Variants in CACNA2D1 observed in about 807,000 individuals in gnomAD.
CACNA2D1 encodes the protein voltage-dependent calcium channel subunit alpha-2/delta-1.
A neutral mutation model predicts 171.5 loss-of-function variants in CACNA2D1; 53 were observed. The observed-to-expected ratio is 0.31, with a 90% confidence interval of 0.25 to 0.39. CACNA2D1 has a LOEUF of 0.39. Ranked by LOEUF, CACNA2D1 falls within the 10% of genes least tolerant of loss-of-function variation. CACNA2D1 has a pLI of 1.00. For missense variants in CACNA2D1, 903 were observed against 1,299.8 expected (o/e 0.69, Z 4.69); for synonymous variants, 442 against 443.1 (o/e 1.00, Z 0.03).
At chr7:82,342,972 A>G (rs1818844761) in intron 2 of CACNA2D1, 1 of 152,206 alleles carries the variant, frequency 6.6e-6, no homozygotes, top group Non-Finnish European at 1.5e-5. Flanking sequence ...ATTAGTACAT[A>G]GGAAGAATCT....
At chr7:82,145,349 ATATAT>A (rs1342598621) in intron 4 of CACNA2D1, among the ~76,000 whole-genome samples, 1 of 144,944 alleles carries the variant, frequency 6.9e-6, no homozygotes, top group Non-Finnish European at 1.5e-5. Context: ...TATATAATTT[ATATAT>A]TATATATTAC....
At chr7:82,070,233 C>T (rs963687165) in intron 7 of CACNA2D1, among the ~76,000 whole-genome samples, 1 of 152,128 alleles carries the variant, frequency 6.6e-6, no homozygotes, top group Non-Finnish European at 1.5e-5. Context: ...TATACCCACA[C>T]AAAGGTGCCA....
At chr7:82,160,010 A>G (rs1009550834) in intron 4 of CACNA2D1, among the ~76,000 whole-genome samples, 6 of 151,306 alleles carry the variant, frequency 4.0e-5, no homozygotes, top group African/African-American at 1.5e-4. Flanking sequence ...AATCAAAAAT[A>G]AGATGTACAA....
chr7:82,240,344 T>A (rs948085600), intron 3 of CACNA2D1, among the ~76,000 whole-genome samples: 1 of 152,214 alleles, frequency 6.6e-6, no homozygotes, highest in African/African-American at 2.4e-5. Flanking sequence ...TATCCCTTCA[T>A]CTTCTCCATT....
chr7:82,078,746 C>T (rs941568686), intron 7 of CACNA2D1, among the ~76,000 whole-genome samples: 1 of 151,966 alleles, frequency 6.6e-6, no homozygotes, highest in African/African-American at 2.4e-5. Context: ...TTCAATCATC[C>T]CAAGTTACTG....
intron 10 of CACNA2D1, among the ~76,000 whole-genome samples, chr7:82,043,087 T>C (rs1163083528): frequency 6.6e-6 from 1 of 152,174 alleles, no homozygotes; most frequent in Non-Finnish European, 1.5e-5. Flanking sequence ...TTAAGAAAAT[T>C]AGAAGCCAGT....
chr7:82,418,282 C>T (rs1055898594), intron 1 of CACNA2D1, among the ~76,000 whole-genome samples: 2 of 152,050 alleles, frequency 1.3e-5, no homozygotes, highest in Non-Finnish European at 2.9e-5. Flanking sequence ...TCCACCTGGT[C>T]CCCCCTACCA....
intron 5 of CACNA2D1, among the ~76,000 whole-genome samples, chr7:82,123,922 A>G (rs955821097): frequency 7.9e-5 from 12 of 152,032 alleles, no homozygotes; most frequent in African/African-American, 2.9e-4. Context: ...TATGTATATA[A>G]GCATATATCA....
chr7:82,373,727 C>G (rs1176687510), intron 1 of CACNA2D1, among the ~76,000 whole-genome samples: 1 of 152,192 alleles, frequency 6.6e-6, no homozygotes, highest in Admixed American at 6.5e-5. Flanking sequence ...TCCTTAGACA[C>G]TCTCCATTCT....
intron 3 of CACNA2D1, among the ~76,000 whole-genome samples, chr7:82,302,790 G>A (rs931851791): frequency 2.6e-5 from 4 of 152,100 alleles, no homozygotes; most frequent in Non-Finnish European, 5.9e-5. Context: ...TACAAGTCAT[G>A]CATCCCAACA....
chr7:82,210,884 G>T (rs1429781704), intron 3 of CACNA2D1, among the ~76,000 whole-genome samples: 2 of 152,086 alleles, frequency 1.3e-5, no homozygotes, highest in Non-Finnish European at 2.9e-5. Flanking sequence ...TTTGTTTAAT[G>T]AATGGGTTAA....
intron 1 of CACNA2D1, among the ~76,000 whole-genome samples, chr7:82,394,311 A>C (rs1585791841): frequency 6.6e-6 from 1 of 152,138 alleles, no homozygotes; most frequent in African/African-American, 2.4e-5. Flanking sequence ...AAGAAAGAGA[A>C]ATCTAGATGA....
At chr7:82,232,108 G>A (rs920557512) in intron 3 of CACNA2D1, among the ~76,000 whole-genome samples, 1 of 151,966 alleles carries the variant, frequency 6.6e-6, no homozygotes, top group African/African-American at 2.4e-5. Flanking sequence ...TAAATACTCA[G>A]CAATAGGAAT....
chr7:82,136,298 G>A (rs1364411152), intron 5 of CACNA2D1, among the ~76,000 whole-genome samples: 1 of 152,052 alleles, frequency 6.6e-6, no homozygotes, highest in Non-Finnish European at 1.5e-5. Flanking sequence ...CTGGTGACAG[G>A]AGCCAGGATA....
chr7:82,442,801 G>GT (rs1409091029), intron 1 of CACNA2D1, among the ~76,000 whole-genome samples: 1 of 152,180 alleles, frequency 6.6e-6, no homozygotes, highest in Non-Finnish European at 1.5e-5. Flanking sequence ...TGGACAGCAC[G>GT]CTCGGCCGCG....
chr7:82,128,359 G>A (rs1253425439), intron 5 of CACNA2D1, among the ~76,000 whole-genome samples: 1 of 152,090 alleles, frequency 6.6e-6, no homozygotes, highest in Non-Finnish European at 1.5e-5. Context: ...GCTAAACCTG[G>A]CTGTATTTAT....
intron 3 of CACNA2D1, among the ~76,000 whole-genome samples, chr7:82,178,507 C>T (rs1441451012): frequency 6.6e-6 from 1 of 152,100 alleles, no homozygotes; most frequent in Non-Finnish European, 1.5e-5. Flanking sequence ...TTGTTGAACA[C>T]ACCTGGACCC....
chr7:82,010,062 A>G (rs996156551), intron 15 of CACNA2D1, among the ~76,000 whole-genome samples: 8 of 151,954 alleles, frequency 5.3e-5, no homozygotes, highest in African/African-American at 1.4e-4. Flanking sequence ...TTCACCACCA[A>G]TTGCAAAAAT....
Position 82,395,074 on chromosome 7 carries a change from C to T in CACNA2D1, c.96-45425G>A, listed in dbSNP as rs972959966. Among the ~76,000 whole-genome samples, 8 of 152,032 alleles carry T rather than the reference C, an allele frequency of 5.3e-5. 1 individual carries two copies. The highest frequency in any genetic ancestry group is 3.9e-4 in the East Asian group (2 of 5,188). ...GCTAAGAATTCTGGTAAACAGTATA[C>T]TTTTGAAGCATCCTATGGGCAGATA... On this transcript the variant is annotated intron_variant, in intron 1 of 38. Transcript: ENST00000356860.
Sources: gnomAD v4.1 joint callset for allele counts (sites outside exome capture counted in the v4.1 genomes callset) on GRCh38, gnomAD v4.1.1 for gene constraint, MANE v1.5 for transcripts, NCBI Gene and HGNC (gene_info 2026-07-23, HGNC 2026-07-21) for gene names.